Variants in ME3 observed in about 807,000 individuals in gnomAD.
ME3 encodes the protein NADP-dependent malic enzyme, mitochondrial.
ME3 carries 48 observed loss-of-function variants against 68.9 expected under a neutral mutation model. That is an observed-to-expected ratio of 0.70 (90% CI 0.55 to 0.89). ME3 has a LOEUF of 0.89. Among genes scored for constraint, ME3 ranks in the 40% least tolerant of loss-of-function variants. ME3 has a pLI of 0.00. For synonymous variants in ME3, 320 were observed against 318.8 expected (o/e 1.00, Z -0.04); for missense variants, 675 against 797.4 (o/e 0.85, Z 1.85).
intron 5 of ME3, among the ~76,000 whole-genome samples, chr11:86,503,392 C>A (rs1331138757): frequency 6.6e-6 from 1 of 152,216 alleles, no homozygotes; most frequent in African/African-American, 2.4e-5. Context: ...TTGCCCAAAG[C>A]CACACCTCCT....
At chr11:86,627,357 T>TG (rs1172429944) in intron 2 of ME3, among the ~76,000 whole-genome samples, 1 of 152,220 alleles carries the variant, frequency 6.6e-6, no homozygotes, top group Non-Finnish European at 1.5e-5. Context: ...TTCTGTACCA[T>TG]GGGTATAAGG....
At chr11:86,437,544 A>ATATC (rs1948904665), downstream of ME3, among the ~76,000 whole-genome samples, 2 of 114,184 alleles carry the variant, frequency 1.8e-5, no homozygotes, top group African/African-American at 3.4e-5. Flanking sequence ...TTCACTTTAT[A>ATATC]GATTTGAATA....
At chr11:86,440,774 TC>T (rs1948947879), downstream of ME3, among the ~76,000 whole-genome samples, 1 of 152,116 alleles carries the variant, frequency 6.6e-6, no homozygotes, top group South Asian at 2.1e-4. Flanking sequence ...ATTCTTCATC[TC>T]CCCATGACTC....
chr11:86,641,987 C>T (rs1044068060), intron 2 of ME3, among the ~76,000 whole-genome samples: 2 of 151,960 alleles, frequency 1.3e-5, no homozygotes, highest in Non-Finnish European at 2.9e-5. Context: ...ATTTTTATTC[C>T]CCAGGAATCA....
At chr11:86,593,086 C>T (rs997540684) in intron 2 of ME3, among the ~76,000 whole-genome samples, 2 of 152,186 alleles carry the variant, frequency 1.3e-5, no homozygotes, top group Non-Finnish European at 2.9e-5. Flanking sequence ...CTGGAGATGA[C>T]TGTGGCCTTG....
chr11:86,652,980 A>G (rs1407037326), intron 2 of ME3, among the ~76,000 whole-genome samples: 5 of 152,174 alleles, frequency 3.3e-5, no homozygotes, highest in Middle Eastern at 3.4e-3. Context: ...AACCAACAAA[A>G]ATCAAAAGAG....
At chr11:86,541,733 A>T (rs1956060441) in intron 4 of ME3, among the ~76,000 whole-genome samples, 1 of 152,188 alleles carries the variant, frequency 6.6e-6, no homozygotes, top group Non-Finnish European at 1.5e-5. Context: ...CAGCAGACTT[A>T]AACGTTCCTG....
chr11:86,533,111 A>C (rs991141064), intron 4 of ME3, among the ~76,000 whole-genome samples: 8 of 152,156 alleles, frequency 5.3e-5, no homozygotes, highest in African/African-American at 1.9e-4. Context: ...AACTAGAAAA[A>C]GAAAAAACTG....
chr11:86,671,571 C>A (rs1476094220), intron 2 of ME3, 191 bp downstream of exon 2: 14 of 629,218 alleles, frequency 2.2e-5, no homozygotes, highest in Non-Finnish European at 5.2e-6. Context: ...CTGGTCGCCT[C>A]TCTCCACGCA....
chr11:86,466,520 A>G (rs756887663), intron 7 of ME3, among the ~76,000 whole-genome samples: 4 of 151,892 alleles, frequency 2.6e-5, no homozygotes, highest in African/African-American at 4.8e-5. Context: ...ACCTTGTTAG[A>G]GAAGGTGGGT....
At chr11:86,480,432 G>C (rs1434170542) in intron 7 of ME3, among the ~76,000 whole-genome samples, 1 of 152,178 alleles carries the variant, frequency 6.6e-6, no homozygotes, top group East Asian at 1.9e-4. Context: ...ATATGATTTT[G>C]TGTACTTTCA....
At chr11:86,451,611 G>A (rs572276949) in intron 8 of ME3, among the ~76,000 whole-genome samples, 2 of 152,112 alleles carry the variant, frequency 1.3e-5, no homozygotes. Context: ...ACCATTCCCT[G>A]GGGGGGACCA....
At position 86,672,125 on chromosome 11, in the gene ME3, C is replaced by G. The variant is rs981546941; in HGVS notation, c.-14-167G>C. 7.2e-6 allele frequency: 4 copies of G among 558,514 alleles called. No individual in the cohort carries two copies. The African/African-American group carries it at 7.9e-5, about 11-fold the overall frequency. 34.6% of individuals were successfully genotyped at this position (558,514 alleles called of 1,614,324 possible). ...CGCCACTCCTCGGCTGCCACCTGCT[C>G]GGCTCCGCGCGGGGCGCCAGGCCTA... On this transcript the variant is annotated intron_variant, in intron 1 of 14. Transcript: ENST00000543262.
intron 2 of ME3, among the ~76,000 whole-genome samples, chr11:86,629,792 C>G (rs1161042075): frequency 6.6e-6 from 1 of 152,178 alleles, no homozygotes; most frequent in Admixed American, 6.5e-5. Flanking sequence ...ACCCTGCTAG[C>G]TGGGCTTACT....
rs1015206859 is a variant in ME3 at position 86,548,368 on chromosome 11, A to C, written c.467+8185T>G. 5.3e-5 allele frequency among the ~76,000 whole-genome samples: 8 copies of C among 152,322 alleles called. No individual in the cohort carries two copies. In the East Asian group the frequency reaches 1.5e-3, roughly 29 times the overall value. On this transcript the variant is annotated intron_variant, in intron 4 of 14. Transcript: ENST00000543262. ...ACTCCATGTGACATTCATGTCAAAT[A>C]ACAGCTGAACAACCTTATGCTTTGG...
At chr11:86,664,503 C>A (rs766003694) in intron 2 of ME3, among the ~76,000 whole-genome samples, 1 of 152,216 alleles carries the variant, frequency 6.6e-6, no homozygotes, top group Non-Finnish European at 1.5e-5. Context: ...GTATCATCTT[C>A]AGGTTCCAGG....
rs559582157 is a variant in ME3 at position 86,661,638 on chromosome 11, C to T, written c.183+10124G>A. ...GCTTCTCCTCCACCATCTTCATCTACCACCTCTGACACTTCCACAGGTGTC... is the reference window on the plus strand; with the variant it reads ...GCTTCTCCTCCACCATCTTCATCTATCACCTCTGACACTTCCACAGGTGTC... On this transcript the variant is annotated intron_variant, in intron 2 of 14. Transcript: ENST00000543262. Among the ~76,000 whole-genome samples the T allele has an allele frequency of 3.9e-5, 6 of 152,310 alleles. No individual in the cohort carries two copies. In the South Asian group the frequency reaches 1.2e-3, roughly 32 times the overall value.
chr11:86,583,751 A>G (rs1034430754), intron 2 of ME3, among the ~76,000 whole-genome samples: 1 of 152,224 alleles, frequency 6.6e-6, no homozygotes, highest in Non-Finnish European at 1.5e-5. Context: ...GTCTTCAACA[A>G]TGGTATTGAG....
At chr11:86,493,165 GT>G (rs1408792746) in intron 6 of ME3, among the ~76,000 whole-genome samples, 3 of 152,134 alleles carry the variant, frequency 2.0e-5, no homozygotes, top group African/African-American at 7.2e-5. Context: ...ACCCAGCTTG[GT>G]TGTCAACTCC....
Sources: gnomAD v4.1 joint callset for allele counts (sites outside exome capture counted in the v4.1 genomes callset) on GRCh38, gnomAD v4.1.1 for gene constraint, MANE v1.5 for transcripts, NCBI Gene and HGNC (gene_info 2026-07-23, HGNC 2026-07-21) for gene names.